MALRD1: variants seen among roughly 807,000 people sequenced by gnomAD.
MALRD1 encodes the protein MAM and LDL-receptor class A domain-containing protein 1.
A neutral mutation model predicts 242.1 loss-of-function variants in MALRD1; 247 were observed. The ratio of observed to expected loss-of-function variants is 1.02; its 90% CI spans 0.92 to 1.13. MALRD1 has a LOEUF of 1.13. Among genes scored for constraint, MALRD1 ranks in the 50% most tolerant of loss-of-function variants. The pLI, the probability that MALRD1 is intolerant of heterozygous loss-of-function variation, is 0.00. For missense variants in MALRD1, 2,989 were observed against 2,533.1 expected (o/e 1.18, Z -3.86); for synonymous variants, 995 against 866.6 (o/e 1.15, Z -2.60).
chr10:19,432,357 A>G (rs1834167954), intron 28 of MALRD1, among the ~76,000 whole-genome samples: 1 of 152,210 alleles, frequency 6.6e-6, no homozygotes, highest in Admixed American at 6.5e-5. Context: ...CATTTGTGCA[A>G]TTTAGTTATG....
intron 19 of MALRD1, among the ~76,000 whole-genome samples, chr10:19,276,732 T>G: frequency 6.6e-6 from 1 of 152,192 alleles, no homozygotes; most frequent in East Asian, 1.9e-4. Flanking sequence ...AACTTTGACC[T>G]CTAATTGAGT....
chr10:19,520,872 T>C (rs2131316413), intron 31 of MALRD1, among the ~76,000 whole-genome samples: 1 of 152,306 alleles, frequency 6.6e-6, no homozygotes, highest in Non-Finnish European at 1.5e-5. Flanking sequence ...TATGAACCCC[T>C]TCTATTCATC....
intron 32 of MALRD1, 36 bp from the exon 33 acceptor site, chr10:19,567,466 C>T: frequency 4.6e-6 from 7 of 1,515,788 alleles, no homozygotes; most frequent in Non-Finnish European, 6.3e-6. Flanking sequence ...TTCTAATATC[C>T]AATCATAAAA....
At chr10:19,303,465 G>A (rs1332334430) in intron 21 of MALRD1, among the ~76,000 whole-genome samples, 3 of 151,694 alleles carry the variant, frequency 2.0e-5, no homozygotes, top group Non-Finnish European at 4.4e-5. Flanking sequence ...AAGACACTTT[G>A]CAGAGGAGAA....
chr10:19,393,898 C>T (rs1013140438), intron 28 of MALRD1, among the ~76,000 whole-genome samples: 2 of 152,064 alleles, frequency 1.3e-5, no homozygotes, highest in African/African-American at 4.8e-5. Flanking sequence ...AACAAAAGAC[C>T]TTTGCATCTT....
chr10:19,345,918 AACTCGT>A (rs1442140551), intron 24 of MALRD1, among the ~76,000 whole-genome samples: 1 of 151,934 alleles, frequency 6.6e-6, no homozygotes, highest in Non-Finnish European at 1.5e-5. Flanking sequence ...ACGATGGTAA[AACTCGT>A]ATGTTTTCTT....
At chr10:19,366,035 A>G (rs936011277) in intron 26 of MALRD1, among the ~76,000 whole-genome samples, 5 of 152,076 alleles carry the variant, frequency 3.3e-5, no homozygotes, top group Non-Finnish European at 7.4e-5. Flanking sequence ...GACCGGTTTC[A>G]TGGAAGACAA....
chr10:19,356,723 T>C (rs1844652726), intron 26 of MALRD1, among the ~76,000 whole-genome samples: 1 of 152,158 alleles, frequency 6.6e-6, no homozygotes, highest in Admixed American at 6.6e-5. Flanking sequence ...AGGGCACTTT[T>C]GGGCCTGTCT....
chr10:19,451,245 T>A (rs1835305205), intron 29 of MALRD1, among the ~76,000 whole-genome samples: 1 of 152,118 alleles, frequency 6.6e-6, no homozygotes, highest in African/African-American at 2.4e-5. Flanking sequence ...TGGTAGTAAG[T>A]GCATCTATAA....
intron 28 of MALRD1, among the ~76,000 whole-genome samples, chr10:19,408,882 A>G (rs1833150998): frequency 6.6e-6 from 1 of 152,238 alleles, no homozygotes; most frequent in African/African-American, 2.4e-5. Flanking sequence ...CAGTTTCTCA[A>G]AAACAAATAA....
chr10:19,297,933 T>C (rs1841780273), intron 21 of MALRD1, among the ~76,000 whole-genome samples: 5 of 151,888 alleles, frequency 3.3e-5, no homozygotes, highest in Admixed American at 3.3e-4. Flanking sequence ...CATGGGGAAA[T>C]AATAAATGAT....
rs986676952 is a variant in MALRD1 at position 19,209,351 on chromosome 10, C to T, written c.2662C>T (p.Gln888Ter). 2.6e-6 allele frequency: 4 copies of T among 1,550,598 alleles called. No individual in the cohort carries two copies. In the African/African-American group the frequency reaches 5.5e-5, roughly 21 times the overall value. ...AGATGACTTTGATTGGACCAGGAGC[C>T]AGGGTCCAACTCCAACACTTAACAC... ...AKDDFDWTRS[Q>*]GPTPTLNTGP... Residue 888 changes from glutamine (Q) to a stop codon, truncating the protein, a stop_gained, in exon 18 of 40, where the codon CAG (glutamine) becomes TAG (stop). Coordinates refer to ENST00000454679, the MANE Select transcript of MALRD1 (RefSeq NM_001142308.3). LOFTEE classifies it high-confidence loss of function.
chr10:19,607,290 C>T (rs1026378747), intron 34 of MALRD1, among the ~76,000 whole-genome samples: 1 of 152,164 alleles, frequency 6.6e-6, no homozygotes, highest in African/African-American at 2.4e-5. Context: ...TTTTCTCCCA[C>T]TTCTGGAGGC....
chr10:19,203,603 T>G, intron 14 of MALRD1, 125 bp from the exon 15 acceptor site: 2 of 867,708 alleles, frequency 2.3e-6, no homozygotes, highest in African/African-American at 3.4e-5. Flanking sequence ...TTCTGAAATG[T>G]GTCCCTCATT....
intron 32 of MALRD1, among the ~76,000 whole-genome samples, chr10:19,545,812 A>G (rs988079776): frequency 7.2e-5 from 11 of 152,142 alleles, no homozygotes; most frequent in African/African-American, 2.4e-4. Flanking sequence ...TTCAGCTTTT[A>G]GTCCTCTGGC....
chr10:19,122,525 T>G (rs982340689), intron 5 of MALRD1, among the ~76,000 whole-genome samples: 3 of 151,996 alleles, frequency 2.0e-5, no homozygotes, highest in African/African-American at 7.3e-5. Flanking sequence ...GGGCAGGGCA[T>G]CCTCAGGGCT....
rs988799921 is a variant in MALRD1, at chr10:19,133,905, T to C, written c.1160T>C (p.Val387Ala). 26 of 1,230,704 alleles carry C rather than the reference T, an allele frequency of 2.1e-5. No individual in the cohort carries two copies. The highest frequency in any genetic ancestry group is 3.2e-5 in the East Asian group (1 of 31,634). 76.2% of individuals were successfully genotyped at this position (1,230,704 alleles called of 1,614,324 possible). A position where few individuals can be genotyped will look rare whatever the true frequency, so the allele number is the denominator to read the frequency against. ...AACATATCAACTCACAGCCAATGGG[T>C]GAAAGCAGATGTGTTAATACCAGAA... Reference protein sequence around the residue: ...TYNISTHSQWVKADVLIPEDL... With the variant: ...TYNISTHSQWAKADVLIPEDL... Residue 387 changes from valine (V) to alanine (A), a missense_variant, in exon 9 of 40, where the codon GTG becomes GCG. Val to Ala is a moderately conservative substitution (Grantham distance 64, BLOSUM62 0). Transcript: ENST00000454679.
chr10:19,122,723 C>A (rs1485582585), intron 5 of MALRD1, among the ~76,000 whole-genome samples: 1 of 151,960 alleles, frequency 6.6e-6, no homozygotes, highest in East Asian at 1.9e-4. Context: ...AAAACAAAAA[C>A]ACAGGCACAA....
chr10:19,605,720 C>T (rs973484424), intron 34 of MALRD1, among the ~76,000 whole-genome samples: 2 of 151,990 alleles, frequency 1.3e-5, no homozygotes, highest in South Asian at 2.1e-4. Flanking sequence ...AAGGAATTCT[C>T]GTTTTTATAA....
Sources: gnomAD v4.1 joint callset for allele counts (sites outside exome capture counted in the v4.1 genomes callset) on GRCh38, gnomAD v4.1.1 for gene constraint, MANE v1.5 for transcripts, NCBI Gene and HGNC (gene_info 2026-07-23, HGNC 2026-07-21) for gene names.